DLGAP1: variants seen among roughly 807,000 people sequenced by gnomAD.
DLGAP1 encodes the protein disks large-associated protein 1.
Under a neutral mutation model 90.8 loss-of-function variants are expected in DLGAP1, and 11 were observed. That is an observed-to-expected ratio of 0.12 (90% CI 0.08 to 0.20). The LOEUF (loss-of-function observed/expected upper bound fraction) is 0.20. Ranked by LOEUF, DLGAP1 falls within the 10% of genes least tolerant of loss-of-function variation. The pLI, the probability that DLGAP1 is intolerant of heterozygous loss-of-function variation, is 1.00. For synonymous variants in DLGAP1, 558 were observed against 540.7 expected, an observed-to-expected ratio of 1.03 and a Z score of -0.44; for missense variants, 1,050 against 1,333.8, an observed-to-expected ratio of 0.79 and a Z score of 3.31.
chr18:3,954,768 C>T (rs2073052699), intron 3 of DLGAP1, among the ~76,000 whole-genome samples: 1 of 152,306 alleles, frequency 6.6e-6, no homozygotes, highest in East Asian at 1.9e-4. Flanking sequence ...ACGCCTGAAA[C>T]AACCAAAAAC....
At position 4,074,800 on chromosome 18, in the gene DLGAP1, T is replaced by C. The variant is rs28410718; in HGVS notation, c.-158-69599A>G. ...CGATTGTAATCTCAAACTTGTTCTT[T>C]CTTGTCCCAAAAATGTAAATGTAAG... is the stretch of plus-strand genomic sequence containing the variant. On this transcript the variant is annotated intron_variant, in intron 2 of 12. Coordinates refer to ENST00000315677, the MANE Select transcript of DLGAP1 (RefSeq NM_004746.4). Among the ~76,000 whole-genome samples, 753 of 152,292 alleles carry C rather than the reference T, an allele frequency of 4.9e-3. 8 individuals are homozygous for C. Among genetic ancestry groups the C allele is most frequent in the Middle Eastern group, 0.017 (5 of 294 alleles).
At chr18:4,237,483 C>T (rs2078442944) in intron 1 of DLGAP1, among the ~76,000 whole-genome samples, 3 of 152,094 alleles carry the variant, frequency 2.0e-5, no homozygotes, top group Admixed American at 1.3e-4. Flanking sequence ...TGGGGAAGGA[C>T]GGGGGTTGAG....
intron 3 of DLGAP1, among the ~76,000 whole-genome samples, chr18:3,967,302 G>T (rs191890508): frequency 6.6e-6 from 1 of 152,224 alleles, no homozygotes; most frequent in African/African-American, 2.4e-5. Flanking sequence ...CAAGGAATGA[G>T]AAATAGATTA....
At chr18:3,620,565 T>TATTA (rs2058060136) in intron 7 of DLGAP1, among the ~76,000 whole-genome samples, 1 of 151,898 alleles carries the variant, frequency 6.6e-6, no homozygotes, top group Admixed American at 6.6e-5. Context: ...TTATTATTAT[T>TATTA]ATTATTTTTG....
intron 1 of DLGAP1, among the ~76,000 whole-genome samples, chr18:4,221,411 T>A (rs932436488): frequency 6.6e-6 from 1 of 152,168 alleles, no homozygotes; most frequent in Non-Finnish European, 1.5e-5. Flanking sequence ...ATATTCCCTC[T>A]CTATTGCTGC....
intron 1 of DLGAP1, among the ~76,000 whole-genome samples, chr18:4,351,243 T>C (rs1004968076): frequency 2.0e-5 from 3 of 152,206 alleles, no homozygotes. Flanking sequence ...GCCACAGGCT[T>C]CTAGTGGTTG....
intron 3 of DLGAP1, among the ~76,000 whole-genome samples, chr18:3,941,951 C>G (rs543340757): frequency 6.6e-6 from 1 of 152,292 alleles, no homozygotes; most frequent in Non-Finnish European, 1.5e-5. Context: ...TGGGCTCAAG[C>G]AGATCCTCTC....
At chr18:3,614,749 T>C (rs1164360470) in intron 7 of DLGAP1, among the ~76,000 whole-genome samples, 2 of 145,792 alleles carry the variant, frequency 1.4e-5, no homozygotes, top group East Asian at 4.2e-4. Context: ...TTCGGGAGCC[T>C]GAGGCGGGAG....
At chr18:4,234,189 A>G (rs917847161) in intron 1 of DLGAP1, among the ~76,000 whole-genome samples, 2 of 151,936 alleles carry the variant, frequency 1.3e-5, no homozygotes, top group African/African-American at 4.8e-5. Context: ...TAATGGTACC[A>G]AGAACATCTT....
At chr18:4,390,653 T>C (rs2082322719) in intron 1 of DLGAP1, among the ~76,000 whole-genome samples, 2 of 152,142 alleles carry the variant, frequency 1.3e-5, no homozygotes, top group Admixed American at 6.5e-5. Flanking sequence ...TTCTTTCACT[T>C]AGTACGGATT....
intron 5 of DLGAP1, among the ~76,000 whole-genome samples, chr18:3,789,185 C>T (rs899881093): frequency 9.2e-5 from 14 of 152,104 alleles, no homozygotes; most frequent in African/African-American, 2.9e-4. Flanking sequence ...CAATATGTCT[C>T]GTAATGAGGG....
intron 2 of DLGAP1, among the ~76,000 whole-genome samples, chr18:4,105,715 T>C (rs1444522768): frequency 6.6e-6 from 1 of 152,138 alleles, no homozygotes; most frequent in Admixed American, 6.5e-5. Context: ...TATCCAAAAA[T>C]CAGGAGAAAA....
chr18:3,792,644 G>A (rs1281601411), intron 5 of DLGAP1, among the ~76,000 whole-genome samples: 1 of 152,150 alleles, frequency 6.6e-6, no homozygotes, highest in African/African-American at 2.4e-5. Flanking sequence ...GAAGGAATGG[G>A]ATGGTCCCAC....
At chr18:3,894,515 G>A (rs971609006) in intron 3 of DLGAP1, among the ~76,000 whole-genome samples, 20 of 152,070 alleles carry the variant, frequency 1.3e-4, no homozygotes, top group African/African-American at 4.8e-4. Context: ...AAGATCAGTT[G>A]TTTCTGGGTT....
At chr18:3,540,808 C>T (rs2052650352) in intron 9 of DLGAP1, among the ~76,000 whole-genome samples, 1 of 152,140 alleles carries the variant, frequency 6.6e-6, no homozygotes, top group Non-Finnish European at 1.5e-5. Flanking sequence ...AAAAAATTTT[C>T]TCTACCCCAA....
rs2049838560 is a variant in DLGAP1, at chr18:3,499,862, C to G, written c.2725-468G>C. Among the ~76,000 whole-genome samples the G allele has an allele frequency of 6.6e-6, 1 of 152,056 alleles. No individual in the cohort carries two copies. Among genetic ancestry groups the G allele is most frequent in the South Asian group, 2.1e-4 (1 of 4,812 alleles). On this transcript the variant is annotated intron_variant, in intron 12 of 12. Coordinates refer to ENST00000315677, the MANE Select transcript of DLGAP1 (RefSeq NM_004746.4). This position sits in a 1 kb window ranked among gnomAD's most constrained non-coding sequence, Gnocchi z 6.4. ...CTTAAAAACATCTCCGCTCTGTCCC[C>G]GGCCCGCCCACCGTCCCCTTCCCAC...
chr18:4,362,343 C>T (rs1283500885), intron 1 of DLGAP1, among the ~76,000 whole-genome samples: 3 of 152,034 alleles, frequency 2.0e-5, no homozygotes, highest in East Asian at 1.9e-4. Flanking sequence ...AAGTGTCCAT[C>T]GATGGAGGAA....
intron 7 of DLGAP1, among the ~76,000 whole-genome samples, chr18:3,592,878 GAAAGAAAAAGAA>G (rs71159097): frequency 0.36 from 41,276 of 113,686 alleles, 6,500 homozygotes; most frequent in Non-Finnish European, 0.4. Flanking sequence ...GAAAAAGAAA[GAAAGAAAAAGAA>G]AAAGAAAAAG....
At chr18:3,947,743 A>G (rs1282022519) in intron 3 of DLGAP1, among the ~76,000 whole-genome samples, 1 of 152,160 alleles carries the variant, frequency 6.6e-6, no homozygotes, top group Non-Finnish European at 1.5e-5. Context: ...TTTCCTTACT[A>G]GCTAATCTTA....
Sources: allele counts gnomAD v4.1 joint callset (sites outside exome capture counted in the v4.1 genomes callset), GRCh38; gene constraint gnomAD v4.1.1; non-coding constraint Gnocchi (gnomAD v3.1); transcripts MANE v1.5; gene names NCBI Gene and HGNC (gene_info 2026-07-23, HGNC 2026-07-21).